Variants in MED27 observed in about 807,000 individuals in gnomAD.
MED27 encodes the protein mediator complex subunit 27.
Under a neutral mutation model 38.2 loss-of-function variants are expected in MED27, and 30 were observed. The observed-to-expected ratio is 0.79, with a 90% CI of 0.59 to 1.07. MED27 has a LOEUF of 1.07. Ranked by LOEUF, MED27 falls within the 50% of genes least tolerant of loss-of-function variation. The pLI is 0.00. For missense variants in MED27, 289 were observed against 397.5 expected (o/e 0.73, Z 2.32); for synonymous variants, 122 against 153.5 (o/e 0.79, Z 1.52).
chr9:131,863,656 G>A (rs1291178647), intron 6 of MED27, among the ~76,000 whole-genome samples: 1 of 146,218 alleles, frequency 6.8e-6, no homozygotes, highest in African/African-American at 2.8e-5. Context: ...GAGCCTGGCA[G>A]TTTCTGAGCC....
At chr9:132,059,607 G>C (rs1032191502) in intron 2 of MED27, among the ~76,000 whole-genome samples, 3 of 152,140 alleles carry the variant, frequency 2.0e-5, no homozygotes, top group Non-Finnish European at 4.4e-5. Flanking sequence ...CTGCTGAGCC[G>C]CGACAGTGGA....
At chr9:131,897,646 T>C (rs538797558) in intron 4 of MED27, among the ~76,000 whole-genome samples, 12 of 151,822 alleles carry the variant, frequency 7.9e-5, no homozygotes, top group Non-Finnish European at 1.8e-4. Context: ...GAAAAGGAGG[T>C]GGAGGTGGAG....
intron 3 of MED27, among the ~76,000 whole-genome samples, chr9:131,992,724 T>C (rs941321574): frequency 6.6e-6 from 1 of 152,160 alleles, no homozygotes; most frequent in Non-Finnish European, 1.5e-5. Context: ...TAAAGAGGAA[T>C]GCACATATTC....
intron 6 of MED27, among the ~76,000 whole-genome samples, chr9:131,877,697 C>T (rs552021769): frequency 2.0e-5 from 3 of 152,330 alleles, no homozygotes; most frequent in South Asian, 4.1e-4. Flanking sequence ...AGGAGGGTGA[C>T]GGTTCCAATC....
intron 2 of MED27, among the ~76,000 whole-genome samples, chr9:132,038,492 G>A (rs547546785): frequency 4.6e-5 from 7 of 152,290 alleles, no homozygotes; most frequent in Non-Finnish European, 7.4e-5. Flanking sequence ...GCGCCCGGCC[G>A]CCAGGCATCC....
chr9:131,894,420 A>C (rs1829792610), intron 4 of MED27, among the ~76,000 whole-genome samples: 1 of 152,216 alleles, frequency 6.6e-6, no homozygotes, highest in Admixed American at 6.5e-5. Flanking sequence ...TACAGAGTAC[A>C]ATATACAGAG....
intron 2 of MED27, among the ~76,000 whole-genome samples, chr9:132,031,392 T>C (rs1036000595): frequency 6.6e-6 from 1 of 152,226 alleles, no homozygotes; most frequent in Non-Finnish European, 1.5e-5. Context: ...AGTGGGAAGA[T>C]GGTGGTCTAT....
At chr9:131,909,258 T>C (rs1830145199) in intron 4 of MED27, among the ~76,000 whole-genome samples, 1 of 152,130 alleles carries the variant, frequency 6.6e-6, no homozygotes, top group Non-Finnish European at 1.5e-5. Flanking sequence ...AATATGTAAG[T>C]GAAGAGATGT....
rs1451972286 is a variant in MED27, at chr9:131,861,335, G to A, written c.802-663C>T. On this transcript the variant is annotated intron_variant, in intron 7 of 7. Coordinates refer to ENST00000292035, the MANE Select transcript of MED27 (RefSeq NM_004269.4). This position sits in a 1 kb window ranked among gnomAD's most constrained non-coding sequence, Gnocchi z 4.4. ...GTAACTCAATTCTCAAACACAAGGA[G>A]ATTCACTACCAAAGAAAAAAATACC... Among the ~76,000 whole-genome samples, 1 of 152,178 alleles carries A rather than the reference G, an allele frequency of 6.6e-6. No individual in the cohort carries two copies. Among genetic ancestry groups the A allele is most frequent in the Non-Finnish European group, 1.5e-5 (1 of 68,032 alleles).
At chr9:131,898,101 AT>A (rs1039409485) in intron 4 of MED27, among the ~76,000 whole-genome samples, 271 of 131,804 alleles carry the variant, frequency 2.1e-3, no homozygotes, top group Middle Eastern at 4.0e-3. Context: ...TGCAGGTTTG[AT>A]TTTTTTTTTT....
At chr9:132,079,615 A>G in intron 1 of MED27, 27 bp downstream of exon 1, 1 of 1,607,368 alleles carries the variant, frequency 6.2e-7, no homozygotes, top group Non-Finnish European at 8.5e-7. Flanking sequence ...CCGGTCCCCG[A>G]CCCCGGCCCC....
intron 3 of MED27, among the ~76,000 whole-genome samples, chr9:131,942,362 C>T (rs1200777940): frequency 6.6e-6 from 1 of 152,154 alleles, no homozygotes; most frequent in Non-Finnish European, 1.5e-5. Flanking sequence ...AAACATCATG[C>T]CCAAAGTTTA....
rs545598240 is a variant in MED27 at position 131,987,895 on chromosome 9, G to A, written c.479+26442C>T. On this transcript the variant is annotated intron_variant, in intron 3 of 7. Transcript: ENST00000292035. ...CCCCGGTTCCTCTCTTAGTTGGGGC[G>A]GCTGGCCCTCCCTGGGCCTCAGAGT... 2.0e-3 allele frequency among the ~76,000 whole-genome samples: 302 copies of A among 152,296 alleles called. 2 individuals carry two copies. Among genetic ancestry groups the A allele is most frequent in the African/African-American group, 7.0e-3 (292 of 41,554 alleles).
intron 2 of MED27, among the ~76,000 whole-genome samples, chr9:132,053,642 G>A (rs1412765841): frequency 6.6e-6 from 1 of 152,164 alleles, no homozygotes; most frequent in African/African-American, 2.4e-5. Flanking sequence ...GGAAACAGCA[G>A]AAGCAGGCTG....
chr9:131,946,728 C>T (rs1200047160), intron 3 of MED27, among the ~76,000 whole-genome samples: 1 of 152,228 alleles, frequency 6.6e-6, no homozygotes, highest in Non-Finnish European at 1.5e-5. Context: ...CCTGAGCAGG[C>T]TCACTCTATC....
chr9:131,946,154 TAGAC>T (rs1389177488), intron 3 of MED27, among the ~76,000 whole-genome samples: 1 of 152,196 alleles, frequency 6.6e-6, no homozygotes, highest in Admixed American at 6.5e-5. Flanking sequence ...CATCCACTAA[TAGAC>T]AGTTAAGTTG....
Position 132,003,828 on chromosome 9 carries a change from A to G in MED27, c.479+10509T>C, listed in dbSNP as rs1476823633. Among the ~76,000 whole-genome samples, 2 of 152,172 alleles carry G rather than the reference A, an allele frequency of 1.3e-5. No individual in the cohort carries two copies. Among genetic ancestry groups the G allele is most frequent in the Non-Finnish European group, 1.5e-5 (1 of 68,028 alleles). On this transcript the variant is annotated intron_variant, in intron 3 of 7. Coordinates refer to ENST00000292035, the MANE Select transcript of MED27 (RefSeq NM_004269.4). The surrounding 1 kb of genome is among the most constrained non-coding windows in gnomAD (Gnocchi z 4.2). ...ATCATTTCACCCAAGGTTTAAGGGT[A>G]CCTCAAACTTGACATGCTTCAAATG...
chr9:131,918,859 G>A (rs1333148205), intron 4 of MED27, among the ~76,000 whole-genome samples: 6 of 152,148 alleles, frequency 3.9e-5, no homozygotes, highest in Non-Finnish European at 8.8e-5. Context: ...GAAAGCCTAC[G>A]GAGAACGGCC....
At chr9:131,962,442 T>C (rs1013822203) in intron 3 of MED27, among the ~76,000 whole-genome samples, 1 of 152,170 alleles carries the variant, frequency 6.6e-6, no homozygotes, top group Non-Finnish European at 1.5e-5. Context: ...TTTCACCATG[T>C]TGTCCAGGTT....
Sources: gnomAD v4.1 joint callset for allele counts (sites outside exome capture counted in the v4.1 genomes callset) on GRCh38, gnomAD v4.1.1 for gene constraint, Gnocchi (gnomAD v3.1) non-coding constraint, MANE v1.5 for transcripts, NCBI Gene and HGNC (gene_info 2026-07-23, HGNC 2026-07-21) for gene names.